SNX6: variants seen among roughly 807,000 people sequenced by gnomAD.
The protein encoded by SNX6 is sorting nexin-6.
Under a neutral mutation model 63.0 loss-of-function variants are expected in SNX6, and 34 were observed. The ratio of observed to expected loss-of-function variants is 0.54; its 90% CI spans 0.41 to 0.72. The LOEUF (loss-of-function observed/expected upper bound fraction) is 0.72. SNX6 is among the 30% of genes least tolerant of loss of function. SNX6 has a pLI of 0.00. For missense variants in SNX6, 398 were observed against 471.4 expected, an observed-to-expected ratio of 0.84 and a Z score of 1.44; for synonymous variants, 170 against 164.2, an observed-to-expected ratio of 1.04 and a Z score of -0.27.
intron 2 of SNX6, among the ~76,000 whole-genome samples, chr14:34,620,354 C>G (rs1376387336): frequency 1.3e-5 from 2 of 152,200 alleles, no homozygotes; most frequent in Non-Finnish European, 2.9e-5. Context: ...GTGGCACACG[C>G]CTGTAGTCCC....
chr14:34,588,595 A>C (rs1157218104), intron 8 of SNX6, among the ~76,000 whole-genome samples: 1 of 152,190 alleles, frequency 6.6e-6, no homozygotes, highest in African/African-American at 2.4e-5. Context: ...CCAAATAATC[A>C]GGAACCAATC....
intron 8 of SNX6, among the ~76,000 whole-genome samples, chr14:34,589,246 G>C (rs1416891213): frequency 1.4e-5 from 2 of 146,478 alleles, no homozygotes; most frequent in Non-Finnish European, 3.0e-5. Flanking sequence ...CCTGAGGTCA[G>C]GAGTTTGAGA....
At chr14:34,615,713 A>G (rs1302832872) in intron 2 of SNX6, among the ~76,000 whole-genome samples, 2 of 150,868 alleles carry the variant, frequency 1.3e-5, no homozygotes, top group Admixed American at 6.6e-5. Context: ...TCCTGGCTTA[A>G]GCAATCCCCT....
At chr14:34,586,028 G>C (rs1457422146) in intron 9 of SNX6, among the ~76,000 whole-genome samples, 1 of 152,032 alleles carries the variant, frequency 6.6e-6, no homozygotes, top group Admixed American at 6.6e-5. Context: ...TCAGCCTCCT[G>C]AGTAGCTGGG....
chr14:34,598,474 A>T (rs980551281), intron 6 of SNX6, among the ~76,000 whole-genome samples: 1 of 152,154 alleles, frequency 6.6e-6, no homozygotes, highest in Non-Finnish European at 1.5e-5. Context: ...TCACTGCAAC[A>T]TCTGCCTTCT....
At chr14:34,604,102 C>A in intron 5 of SNX6, 1 of 1,180,238 alleles carries the variant, frequency 8.5e-7, no homozygotes, top group Non-Finnish European at 1.1e-6. Flanking sequence ...ATTCTTGCTT[C>A]AACTACGTGC....
chr14:34,623,485 T>C (rs968126672), intron 2 of SNX6, among the ~76,000 whole-genome samples: 3 of 152,174 alleles, frequency 2.0e-5, no homozygotes, highest in Non-Finnish European at 4.4e-5. Flanking sequence ...TAACGTGCTA[T>C]ATGGTTTAAT....
chr14:34,609,227 T>C (rs1288811451), intron 3 of SNX6, among the ~76,000 whole-genome samples: 1 of 152,124 alleles, frequency 6.6e-6, no homozygotes, highest in Non-Finnish European at 1.5e-5. Context: ...GGCTCACGCC[T>C]GTAATCCCAG....
chr14:34,562,959 TG>T lies in SNX6; in HGVS notation c.*162del. On this transcript the variant is annotated 3_prime_UTR_variant, in exon 14 of 14. Coordinates refer to ENST00000362031, the MANE Select transcript of SNX6 (RefSeq NM_152233.4). ...TCACGGCACACAGACTGGCATCGCC[TG>T]GGCGTGCGCTGCTCCATGTTTCTCA... 1 of 666,754 alleles carries T rather than the reference TG, an allele frequency of 1.5e-6. No individual in the cohort carries two copies. Among genetic ancestry groups the T allele is most frequent in the Non-Finnish European group, 2.6e-6 (1 of 383,080 alleles). The allele number at this position is 666,754 out of a possible 1,614,324, so 41.3% of individuals were successfully genotyped here.
chr14:34,630,048 G>T, intron 1 of SNX6, 63 bp downstream of exon 1: 1 of 1,438,134 alleles, frequency 7.0e-7, no homozygotes. Context: ...CGGTCCCCGC[G>T]CCCGCCCCGC....
intron 2 of SNX6, among the ~76,000 whole-genome samples, chr14:34,622,364 A>C (rs1409563861): frequency 6.6e-6 from 1 of 151,370 alleles, no homozygotes; most frequent in Non-Finnish European, 1.5e-5. Context: ...GTGGATCACG[A>C]GGTCAGGAGA....
intron 8 of SNX6, among the ~76,000 whole-genome samples, chr14:34,588,879 C>T (rs1359595031): frequency 1.3e-5 from 2 of 152,132 alleles, no homozygotes; most frequent in Admixed American, 6.6e-5. Context: ...CACCTGTAAT[C>T]GCTCCCTCCT....
At position 34,562,834 on chromosome 14, in the gene SNX6, CAG is replaced by C. The variant is rs767734364; in HGVS notation, c.*286_*287del. 1 of 336,224 alleles carries C rather than the reference CAG, an allele frequency of 3.0e-6. No homozygotes were observed. Among genetic ancestry groups the C allele is most frequent in the Non-Finnish European group, 5.4e-6 (1 of 186,702 alleles). 20.8% of individuals were successfully genotyped at this position (336,224 alleles called of 1,614,324 possible). On this transcript the variant is annotated 3_prime_UTR_variant, in exon 14 of 14. Transcript: ENST00000362031. ...TAAGGAATACTATTTATAAAATAAA[CAG>C]AGTTATAGAGGCTACTTTAAAGAAG... is the stretch of plus-strand genomic sequence containing the variant.
chr14:34,614,924 CTA>C (rs888356481), intron 2 of SNX6, among the ~76,000 whole-genome samples: 6 of 152,070 alleles, frequency 3.9e-5, no homozygotes, highest in African/African-American at 1.2e-4. Flanking sequence ...TTTCCTATCT[CTA>C]TGTACACTTT....
In SNX6 at chr14:34,627,550, C is replaced by T. The variant is rs1883878411; in HGVS notation, c.54+2357G>A. 2.0e-5 allele frequency among the ~76,000 whole-genome samples: 3 copies of T among 151,666 alleles called. No individual in the cohort carries two copies. In the South Asian group the frequency reaches 6.2e-4, roughly 32 times the overall value. On this transcript the variant is annotated intron_variant, in intron 2 of 13. Coordinates refer to ENST00000362031, the MANE Select transcript of SNX6 (RefSeq NM_152233.4). The stretch of plus-strand genomic sequence containing the variant: ...GGAGTGCAATGGTGCAATCTCAGCT[C>T]ACTGCAACCTCCACCTCCCAGGTTC...
At chr14:34,570,990 T>C (rs1217111418) in intron 11 of SNX6, among the ~76,000 whole-genome samples, 3 of 151,524 alleles carry the variant, frequency 2.0e-5, no homozygotes, top group South Asian at 2.1e-4. Context: ...CCCAAAGTAC[T>C]GGGATTACAG....
chr14:34,608,920 T>C (rs1883119078), intron 3 of SNX6, among the ~76,000 whole-genome samples: 1 of 151,714 alleles, frequency 6.6e-6, no homozygotes, highest in Non-Finnish European at 1.5e-5. Context: ...CCCAGCTACT[T>C]AGGAGGCTGA....
intron 11 of SNX6, among the ~76,000 whole-genome samples, chr14:34,568,385 C>G (rs937478815): frequency 6.6e-6 from 1 of 151,968 alleles, no homozygotes; most frequent in Non-Finnish European, 1.5e-5. Context: ...TGCACGCCAC[C>G]ACGCCTGGCT....
chr14:34,612,137 C>T (rs1484944149), intron 2 of SNX6, among the ~76,000 whole-genome samples: 5 of 151,832 alleles, frequency 3.3e-5, no homozygotes, highest in East Asian at 1.9e-4. Context: ...GACAGGGTCT[C>T]GCTATGTCAC....
Sources: gnomAD v4.1 joint callset for allele counts (sites outside exome capture counted in the v4.1 genomes callset) on GRCh38, gnomAD v4.1.1 for gene constraint, MANE v1.5 for transcripts, NCBI Gene and HGNC (gene_info 2026-07-23, HGNC 2026-07-21) for gene names.